Variants in STXBP6 observed in about 807,000 individuals in gnomAD.
STXBP6 encodes the protein syntaxin-binding protein 6.
In STXBP6, 21 loss-of-function variants were observed where a neutral mutation model predicts 26.9. The observed-to-expected ratio is 0.78, with a 90% CI of 0.55 to 1.12. The LOEUF (loss-of-function observed/expected upper bound fraction) is 1.12, where lower values mean the gene tolerates loss of function less well. Among genes scored for constraint, STXBP6 ranks in the 50% most tolerant of loss-of-function variants. The pLI is 0.00. For missense variants in STXBP6, 232 were observed against 257.9 expected, an observed-to-expected ratio of 0.90 and a Z score of 0.69; for synonymous variants, 97 against 92.6, an observed-to-expected ratio of 1.05 and a Z score of -0.27.
intron 4 of STXBP6, among the ~76,000 whole-genome samples, chr14:24,825,698 C>T (rs375286705): frequency 3.3e-4 from 50 of 152,330 alleles, no homozygotes; most frequent in African/African-American, 1.1e-3. Flanking sequence ...AAGCCCAATG[C>T]TCCCTCCCTG....
intron 2 of STXBP6, among the ~76,000 whole-genome samples, chr14:24,933,139 G>A (rs989472180): frequency 3.9e-5 from 6 of 152,184 alleles, no homozygotes; most frequent in Non-Finnish European, 1.5e-5. Flanking sequence ...TCAGGAGTTT[G>A]AGACCAGCCT....
intron 1 of STXBP6, among the ~76,000 whole-genome samples, chr14:24,998,747 T>C (rs780426205): frequency 2.6e-5 from 4 of 152,208 alleles, no homozygotes; most frequent in African/African-American, 7.2e-5. Context: ...CTAGAGGAAG[T>C]TGCCTTTTTT....
chr14:24,987,304 G>A (rs2074357672), intron 1 of STXBP6, among the ~76,000 whole-genome samples: 1 of 152,220 alleles, frequency 6.6e-6, no homozygotes, highest in Non-Finnish European at 1.5e-5. Flanking sequence ...ACCTAGGTCT[G>A]AGCCTGTCTT....
intron 1 of STXBP6, among the ~76,000 whole-genome samples, chr14:24,976,394 C>A (rs1199685605): frequency 3.3e-5 from 5 of 152,198 alleles, no homozygotes; most frequent in Non-Finnish European, 7.3e-5. Flanking sequence ...TTCTTAGTGA[C>A]ACAAGAATAC....
intron 2 of STXBP6, among the ~76,000 whole-genome samples, chr14:24,952,823 A>G (rs1353661920): frequency 6.6e-6 from 1 of 152,212 alleles, no homozygotes; most frequent in Non-Finnish European, 1.5e-5. Context: ...AAAACAAAAG[A>G]TGTGACCAGA....
chr14:25,021,609 C>A (rs1313797288), intron 1 of STXBP6, among the ~76,000 whole-genome samples: 1 of 152,176 alleles, frequency 6.6e-6, no homozygotes, highest in East Asian at 1.9e-4. Context: ...CAGTTGACAT[C>A]TTGATGGTAT....
chr14:24,941,738 T>C (rs2072810064), intron 2 of STXBP6, among the ~76,000 whole-genome samples: 1 of 152,230 alleles, frequency 6.6e-6, no homozygotes, highest in South Asian at 2.1e-4. Flanking sequence ...AGCTGTCTGC[T>C]CTTTTCTGCT....
intron 2 of STXBP6, among the ~76,000 whole-genome samples, chr14:24,870,966 T>C (rs1694968117): frequency 6.6e-6 from 1 of 152,222 alleles, no homozygotes; most frequent in Non-Finnish European, 1.5e-5. Context: ...TACATGCTCA[T>C]GGCCATCTTG....
chr14:24,932,915 G>T (rs2072468103), intron 2 of STXBP6, among the ~76,000 whole-genome samples: 1 of 152,178 alleles, frequency 6.6e-6, no homozygotes, highest in African/African-American at 2.4e-5. Context: ...GTTAAGTTTG[G>T]GAAGCCTAGT....
intron 2 of STXBP6, among the ~76,000 whole-genome samples, chr14:24,920,613 C>A (rs1669777472): frequency 6.6e-6 from 1 of 151,976 alleles, no homozygotes; most frequent in South Asian, 2.1e-4. Flanking sequence ...TGGAAAATTT[C>A]TGTTAGCCAG....
intron 2 of STXBP6, among the ~76,000 whole-genome samples, chr14:24,868,301 T>A (rs539718189): frequency 6.6e-6 from 1 of 152,182 alleles, no homozygotes; most frequent in African/African-American, 2.4e-5. Context: ...GATTTAACAC[T>A]TCACTAAAGA....
chr14:24,812,834 C>T, intron 5 of STXBP6, 102 bp from the exon 6 acceptor site: 2 of 1,118,254 alleles, frequency 1.8e-6, no homozygotes, highest in Non-Finnish European at 2.7e-6. Context: ...TGAGAAGCAG[C>T]ACCAAGATTC....
At chr14:25,037,186 C>G (rs1007166607) in intron 1 of STXBP6, among the ~76,000 whole-genome samples, 2 of 152,178 alleles carry the variant, frequency 1.3e-5, no homozygotes, top group African/African-American at 2.4e-5. Flanking sequence ...AAGCCTGACA[C>G]AGGCCACCTA....
chr14:25,034,499 C>G (rs1040627104), intron 1 of STXBP6, among the ~76,000 whole-genome samples: 20 of 152,166 alleles, frequency 1.3e-4, no homozygotes, highest in Admixed American at 4.6e-4. Flanking sequence ...CTTTTGAAAT[C>G]CAGTTTCTCA....
intron 4 of STXBP6, among the ~76,000 whole-genome samples, chr14:24,822,952 T>G (rs1413043853): frequency 1.3e-5 from 2 of 152,212 alleles, no homozygotes; most frequent in African/African-American, 2.4e-5. Context: ...TGTGCTGAGT[T>G]AAATCTGGAA....
intron 4 of STXBP6, among the ~76,000 whole-genome samples, chr14:24,826,086 T>C (rs2068272677): frequency 6.6e-6 from 1 of 152,220 alleles, no homozygotes; most frequent in Non-Finnish European, 1.5e-5. Context: ...GTCTCTACTT[T>C]TATTACAGTT....
intron 2 of STXBP6, among the ~76,000 whole-genome samples, chr14:24,942,281 G>C (rs2072830592): frequency 6.6e-6 from 1 of 152,172 alleles, no homozygotes; most frequent in Non-Finnish European, 1.5e-5. Context: ...AAATGGTGCT[G>C]TCTGAGCCTC....
At chr14:25,033,998 C>T (rs1222273693) in intron 1 of STXBP6, among the ~76,000 whole-genome samples, 1 of 152,158 alleles carries the variant, frequency 6.6e-6, no homozygotes, top group African/African-American at 2.4e-5. Context: ...CAAAATAGCA[C>T]TATGACACAG....
rs537890452 is a variant in STXBP6, at chr14:24,842,733, C to G, written c.451+13203G>C. On this transcript the variant is annotated intron_variant, in intron 4 of 5. Coordinates refer to ENST00000323944, the MANE Select transcript of STXBP6 (RefSeq NM_001394410.1). ...ACTGACAGACTTTCTTATTTACTCA[C>G]TACCTGAAATTAGATAGCCCCAAAT... Among the ~76,000 whole-genome samples, 123 of 152,060 alleles carry G rather than the reference C, an allele frequency of 8.1e-4. No individual in the cohort carries two copies. In the South Asian group the frequency reaches 0.017, roughly 21 times the overall value.
Sources: allele counts gnomAD v4.1 joint callset (sites outside exome capture counted in the v4.1 genomes callset), GRCh38; gene constraint gnomAD v4.1.1; transcripts MANE v1.5; gene names NCBI Gene and HGNC (gene_info 2026-07-23, HGNC 2026-07-21).